The following USP40 variants were observed in gnomAD, a reference collection of about 807,000 sequenced individuals.
USP40 encodes the protein ubiquitin specific peptidase 40.
USP40 carries 143 observed loss-of-function variants against 166.2 expected under a neutral mutation model. The observed-to-expected ratio is 0.86, with a 90% CI of 0.75 to 0.99. The LOEUF is 0.99. Ranked by LOEUF, USP40 falls within the 50% of genes least tolerant of loss-of-function variation. The probability of loss-of-function intolerance (pLI) is 0.00; values close to 1 mark genes in which losing one functional copy is unlikely to be tolerated. For synonymous variants in USP40, 498 were observed against 524.0 expected (o/e 0.95, Z 0.68); for missense variants, 1,444 against 1,479.7 (o/e 0.98, Z 0.40).
In USP40 at chr2:233,565,595, A is replaced by T. The variant is rs1366261610; in HGVS notation, c.-19-22T>A. The T allele has an allele frequency of 2.0e-6, 3 of 1,512,216 alleles. No individual in the cohort carries two copies. In the East Asian group the frequency reaches 7.3e-5, roughly 37 times the overall value. 93.7% of individuals were successfully genotyped at this position (1,512,216 alleles called of 1,614,324 possible). On this transcript the variant is annotated intron_variant, in intron 1 of 31. Coordinates refer to ENST00000678225, the MANE Select transcript of USP40 (RefSeq NM_001365479.2). ...TACCCTTAAAAAAAGTGACATATAA[A>T]TGCTTTTATTTTTAAAATAAATTTT...
chr2:233,552,475 TAAAGA>T (rs1430684415), intron 6 of USP40, among the ~76,000 whole-genome samples: 2 of 152,242 alleles, frequency 1.3e-5, no homozygotes, highest in East Asian at 3.9e-4. Flanking sequence ...GAAAAAGAAT[TAAAGA>T]AATGTGATAA....
In USP40 at chr2:233,524,559, T is replaced by C. The variant is rs2067883249; in HGVS notation, c.1814A>G (p.Asp605Gly). 1.3e-6 allele frequency: 2 copies of C among 1,599,616 alleles called. No homozygotes were observed. Among genetic ancestry groups the C allele is most frequent in the African/African-American group, 1.3e-5 (1 of 74,338 alleles). The change falls in exon 15 of 32, where the codon GAT (aspartate) becomes GGT (glycine). Residue 605 changes from aspartate to glycine, a missense_variant. Transcript: ENST00000678225. ...GLHIYQSLGG[D>G]ELTLCETEIA... ...TTCAGTTTCACACAGTGTCAGTTCA[T>C]CCCCTAGAAAGAGATCACCAGTGAG...
chr2:233,484,017 C>T lies in USP40; in HGVS notation c.3504+1514G>A, dbSNP rs996698956. ...CTGTCCATGAGCCTGTTTGTCTACC[C>T]GTGCCTCCATGCTGCACTGTCGCCA... On this transcript the variant is annotated intron_variant, in intron 30 of 31. Transcript: ENST00000678225. Among the ~76,000 whole-genome samples, 55 of 152,228 alleles carry T rather than the reference C, an allele frequency of 3.6e-4. 1 individual carries two copies. Among genetic ancestry groups the T allele is most frequent in the Non-Finnish European group, 1.3e-4 (9 of 68,014 alleles).
intron 25 of USP40, among the ~76,000 whole-genome samples, chr2:233,492,457 C>T (rs1032979777): frequency 2.6e-4 from 40 of 152,208 alleles, no homozygotes; most frequent in African/African-American, 9.2e-4. Flanking sequence ...TTACTTTTCA[C>T]GTAGAAACAT....
chr2:233,521,465 TAAC>T (rs998545643), intron 16 of USP40, among the ~76,000 whole-genome samples: 9 of 152,172 alleles, frequency 5.9e-5, no homozygotes, highest in African/African-American at 1.4e-4. Context: ...AGATTTCATT[TAAC>T]AACAGGGCAG....
At position 233,523,459 on chromosome 2, in the gene USP40, C is replaced by T; in HGVS notation, c.1912G>A (p.Asp638Asn). The T allele has an allele frequency of 1.2e-6, 2 of 1,613,788 alleles. No homozygotes were observed. Among genetic ancestry groups the T allele is most frequent in the Non-Finnish European group, 1.7e-6 (2 of 1,179,778 alleles). Residue 638 changes from aspartate to asparagine, a missense_variant, in exon 16 of 32, where the codon GAC becomes AAC. Asp to Asn is a conservative substitution (Grantham distance 23, BLOSUM62 1). Transcript: ENST00000678225. Reference sequence around the variant, plus strand: ...ACATTTAAAAGTAGAGGTTCGCAGTCAATACCAGTTTGAATGTGGACTCCA... The same window carrying T: ...ACATTTAAAAGTAGAGGTTCGCAGTTAATACCAGTTTGAATGTGGACTCCA... ...VGGVHIQTGI[D>N]CEPLLLNVLH...
At chr2:233,478,489 A>G (rs1042981578) in intron 31 of USP40, among the ~76,000 whole-genome samples, 7 of 152,084 alleles carry the variant, frequency 4.6e-5, no homozygotes, top group Admixed American at 2.6e-4. Context: ...AACTGTTCAT[A>G]CCCTTTACCT....
In USP40 at chr2:233,480,592, G is replaced by A. The variant is rs1361188486; in HGVS notation, c.3599+611C>T. Among the ~76,000 whole-genome samples the A allele has an allele frequency of 6.6e-6, 1 of 152,260 alleles. No homozygotes were observed. On this transcript the variant is annotated intron_variant, in intron 31 of 31. Coordinates refer to ENST00000678225, the MANE Select transcript of USP40 (RefSeq NM_001365479.2). The surrounding 1 kb of genome is among the most constrained non-coding windows in gnomAD (Gnocchi z 4.5). ...CACCTGCTTCCTCCAGTGGCAGTAA[G>A]TGCAGAGCCAGACAACGGCAGGCGG...
rs2065073875 is a variant in USP40, at chr2:233,488,233, T to C, written c.3197+6A>G. ...GTCACTTCAGATGCACAGGAGAATT[T>C]CTTACCCCAAGTTTTCGCCTTTCTG... On this transcript the variant is annotated splice_donor_region_variant and intron_variant, in intron 28 of 31. Transcript: ENST00000678225. 1 of 1,600,310 alleles carries C rather than the reference T, an allele frequency of 6.2e-7. No homozygotes were observed. The highest frequency in any genetic ancestry group is 8.5e-7 in the Non-Finnish European group (1 of 1,172,670).
intron 2 of USP40, among the ~76,000 whole-genome samples, 179 bp from the exon 3 acceptor site, chr2:233,562,982 A>G (rs962792211): frequency 6.6e-6 from 1 of 152,304 alleles, no homozygotes; most frequent in African/African-American, 2.4e-5. Flanking sequence ...CAGTGACTCT[A>G]AGAAAATAGT....
chr2:233,556,558 C>A, intron 5 of USP40: 1 of 177,624 alleles, frequency 5.6e-6, no homozygotes, highest in Admixed American at 6.2e-5. Flanking sequence ...ACCATGATGA[C>A]ACTGGCTTCT....
intron 13 of USP40, among the ~76,000 whole-genome samples, chr2:233,526,916 A>G (rs1409828609): frequency 1.3e-5 from 2 of 152,244 alleles, no homozygotes; most frequent in Non-Finnish European, 2.9e-5. Flanking sequence ...TCATTAAAAC[A>G]TACCTAGAAA....
At chr2:233,494,950 ATATATT>A (rs1213947526) in intron 24 of USP40, among the ~76,000 whole-genome samples, 71 of 30,062 alleles carry the variant, frequency 2.4e-3, no homozygotes, top group East Asian at 6.3e-3. Context: ...ATATATATAT[ATATATT>A]TATATATATA....
At chr2:233,477,957 C>T (rs184723452) in intron 31 of USP40, among the ~76,000 whole-genome samples, 117 of 152,378 alleles carry the variant, frequency 7.7e-4, no homozygotes, top group Non-Finnish European at 1.0e-3. Context: ...AAGAGACTGG[C>T]TTTCGCTGTG....
chr2:233,495,212 A>G (rs190317701), intron 24 of USP40, among the ~76,000 whole-genome samples: 8 of 151,690 alleles, frequency 5.3e-5, no homozygotes, highest in South Asian at 2.1e-4. Flanking sequence ...ATCTAGGTAC[A>G]GAATAGGTTG....
intron 30 of USP40, chr2:233,481,551 G>A (rs367551732): frequency 2.4e-5 from 12 of 503,058 alleles, no homozygotes; most frequent in East Asian, 1.4e-4. Flanking sequence ...CTTCCACTGC[G>A]AGTGGCCAAA....
At chr2:233,555,911 G>C (rs999219997) in intron 5 of USP40, among the ~76,000 whole-genome samples, 30 of 151,784 alleles carry the variant, frequency 2.0e-4, no homozygotes, top group Non-Finnish European at 4.1e-4. Context: ...TCAGGAGATC[G>C]AGACCATCCT....
chr2:233,517,379 G>GTTTTTTTTTTTTTTTT (rs202226925), intron 18 of USP40, among the ~76,000 whole-genome samples: 3 of 137,140 alleles, frequency 2.2e-5, no homozygotes, highest in African/African-American at 2.8e-5. Context: ...CACATGCATG[G>GTTTTTTTTTTTTTTTT]TTTTTTGTTT....
Position 233,515,091 on chromosome 2 carries a change from C to T in USP40, c.2384-2469G>A, listed in dbSNP as rs543430914. 4.6e-5 allele frequency among the ~76,000 whole-genome samples: 7 copies of T among 152,296 alleles called. No individual in the cohort carries two copies. The South Asian group carries it at 1.4e-3, about 32-fold the overall frequency. On this transcript the variant is annotated intron_variant, in intron 18 of 31. Transcript: ENST00000678225. The stretch of plus-strand genomic sequence containing the variant: ...GTTGTATGTGGTGGAACTAGCAGTG[C>T]CTTGCTCTTCAGTGACGAACAGTAT...
Sources: gnomAD v4.1 joint callset for allele counts (sites outside exome capture counted in the v4.1 genomes callset) on GRCh38, gnomAD v4.1.1 for gene constraint, Gnocchi (gnomAD v3.1) non-coding constraint, MANE v1.5 for transcripts, NCBI Gene and HGNC (gene_info 2026-07-23, HGNC 2026-07-21) for gene names.